Variants in NR5A2 observed in about 807,000 individuals in gnomAD.
NR5A2 encodes nuclear receptor subfamily 5 group A member 2, also known as CYP7A promoter-binding factor.
NR5A2 carries 26 observed loss-of-function variants against 62.7 expected under a neutral mutation model. That is an observed-to-expected ratio of 0.41 (90% CI 0.30 to 0.58). The LOEUF (loss-of-function observed/expected upper bound fraction) is 0.58. Among genes scored for constraint, NR5A2 ranks in the 20% least tolerant of loss-of-function variants. NR5A2 has a pLI of 0.22. For missense variants in NR5A2, 541 were observed against 669.1 expected (o/e 0.81, Z 2.11); for synonymous variants, 246 against 241.7 (o/e 1.02, Z -0.16).
At chr1:200,096,288 A>G (rs1665094931) in intron 5 of NR5A2, among the ~76,000 whole-genome samples, 1 of 152,046 alleles carries the variant, frequency 6.6e-6, no homozygotes, top group South Asian at 2.1e-4. Context: ...GGGTTTCACC[A>G]TGTTGGCCAG....
At chr1:200,116,415 C>G (rs1443388616) in intron 6 of NR5A2, among the ~76,000 whole-genome samples, 1 of 152,186 alleles carries the variant, frequency 6.6e-6, no homozygotes, top group African/African-American at 2.4e-5. Flanking sequence ...CTCCTTGGAG[C>G]TTGAAAAGAG....
intron 5 of NR5A2, among the ~76,000 whole-genome samples, chr1:200,073,547 ATTGTT>A (rs1663853149): frequency 6.6e-6 from 1 of 151,898 alleles, no homozygotes; most frequent in African/African-American, 2.4e-5. Context: ...GTTACACTGT[ATTGTT>A]TAGGGAATAA....
At chr1:200,133,015 T>A (rs1314325815) in intron 7 of NR5A2, among the ~76,000 whole-genome samples, 3 of 152,200 alleles carry the variant, frequency 2.0e-5, no homozygotes, top group Non-Finnish European at 4.4e-5. Context: ...TACACAGTCA[T>A]GTAGAGTCAG....
chr1:200,100,837 A>T (rs1045080420), intron 5 of NR5A2, among the ~76,000 whole-genome samples: 3 of 152,222 alleles, frequency 2.0e-5, no homozygotes, highest in African/African-American at 7.2e-5. Context: ...TTTGATTGTT[A>T]TCTCATGTAC....
intron 7 of NR5A2, among the ~76,000 whole-genome samples, chr1:200,167,403 G>A (rs1029727465): frequency 6.6e-6 from 1 of 151,964 alleles, no homozygotes; most frequent in Non-Finnish European, 1.5e-5. Context: ...AAACCCTGTT[G>A]CATCAACCAT....
At chr1:200,070,029 T>C (rs1663666566) in intron 5 of NR5A2, among the ~76,000 whole-genome samples, 1 of 152,162 alleles carries the variant, frequency 6.6e-6, no homozygotes, top group South Asian at 2.1e-4. Context: ...TTAAGTCGTC[T>C]TTATTCACTT....
In NR5A2 at chr1:200,103,125, T is replaced by C. The variant is rs565563735; in HGVS notation, c.1111-8077T>C. On this transcript the variant is annotated intron_variant, in intron 5 of 7. Coordinates refer to ENST00000367362, the MANE Select transcript of NR5A2 (RefSeq NM_205860.3). Reference sequence around the variant, plus strand: ...ATGAGTTCATGCATGTAAAACTCTTTTTTTTTTTTTTTTTTTGAGTTGGAG... The same window carrying C: ...ATGAGTTCATGCATGTAAAACTCTTCTTTTTTTTTTTTTTTTGAGTTGGAG... Among the ~76,000 whole-genome samples the C allele has an allele frequency of 3.2e-4, 46 of 144,542 alleles. 1 individual carries two copies. The highest frequency in any genetic ancestry group is 5.5e-4 in the Non-Finnish European group (36 of 65,510). 94.8% of individuals were successfully genotyped at this position (144,542 alleles called of 152,430 possible).
intron 7 of NR5A2, among the ~76,000 whole-genome samples, chr1:200,148,651 G>GA (rs976507541): frequency 9.2e-5 from 14 of 152,080 alleles, no homozygotes; most frequent in Non-Finnish European, 1.5e-4. Flanking sequence ...AAATTTGAGG[G>GA]AAAAAAACTT....
At chr1:200,098,758 T>TG (rs1379401867) in intron 5 of NR5A2, among the ~76,000 whole-genome samples, 2 of 152,232 alleles carry the variant, frequency 1.3e-5, no homozygotes, top group Non-Finnish European at 2.9e-5. Context: ...TGTAACAGGA[T>TG]GGGGGTGTCC....
At chr1:200,067,932 A>T (rs1315467275) in intron 5 of NR5A2, among the ~76,000 whole-genome samples, 1 of 152,166 alleles carries the variant, frequency 6.6e-6, no homozygotes, top group African/African-American at 2.4e-5. Context: ...AGCTCAGGAA[A>T]CTTTGCACTC....
intron 5 of NR5A2, among the ~76,000 whole-genome samples, chr1:200,106,622 T>A (rs1272787972): frequency 2.0e-5 from 3 of 152,204 alleles, no homozygotes; most frequent in Admixed American, 6.5e-5. Context: ...TAAACTTCTT[T>A]GGTCTTCTTC....
At chr1:200,086,049 G>C (rs1664512151) in intron 5 of NR5A2, among the ~76,000 whole-genome samples, 2 of 152,112 alleles carry the variant, frequency 1.3e-5, no homozygotes, top group Non-Finnish European at 2.9e-5. Context: ...TGGTGAGATG[G>C]GGGGTGGTGT....
chr1:200,130,101 C>T (rs1029005202), intron 7 of NR5A2, among the ~76,000 whole-genome samples: 2 of 152,076 alleles, frequency 1.3e-5, no homozygotes, highest in African/African-American at 4.8e-5. Context: ...TTTTCTGCCA[C>T]CAAATTAGGT....
chr1:200,127,709 A>ATATATAT (rs59916867), intron 7 of NR5A2, among the ~76,000 whole-genome samples: 1 of 23,190 alleles, frequency 4.3e-5, no homozygotes, highest in Non-Finnish European at 7.1e-5. Flanking sequence ...AAAAAAAAAA[A>ATATATAT]ATATATATAT....
intron 7 of NR5A2, among the ~76,000 whole-genome samples, chr1:200,144,906 G>A (rs1175334798): frequency 1.3e-5 from 2 of 152,100 alleles, no homozygotes; most frequent in Non-Finnish European, 2.9e-5. Context: ...CTAAGGATGG[G>A]GCCCAGGAAT....
At chr1:200,151,397 C>T (rs1437955606) in intron 7 of NR5A2, among the ~76,000 whole-genome samples, 1 of 152,156 alleles carries the variant, frequency 6.6e-6, no homozygotes, top group Non-Finnish European at 1.5e-5. Context: ...CTTTCCTTTT[C>T]TATTGATGTA....
At chr1:200,159,729 G>A (rs1270059380) in intron 7 of NR5A2, among the ~76,000 whole-genome samples, 1 of 151,872 alleles carries the variant, frequency 6.6e-6, no homozygotes, top group African/African-American at 2.4e-5. Context: ...TCGGCTCACT[G>A]CAACCTCCAC....
At chr1:200,148,009 C>T in intron 7 of NR5A2, 1 of 308,044 alleles carries the variant, frequency 3.2e-6, no homozygotes, top group South Asian at 5.0e-5. Flanking sequence ...CCGAAAACGC[C>T]CAGTTCGAAG....
intron 5 of NR5A2, among the ~76,000 whole-genome samples, chr1:200,075,899 T>TTCTTTTC (rs1388139424): frequency 6.6e-6 from 1 of 152,138 alleles, no homozygotes; most frequent in Non-Finnish European, 1.5e-5. Context: ...TTCTTTTCTT[T>TTCTTTTC]TTTTTTTGTT....
Sources: allele counts gnomAD v4.1 joint callset (sites outside exome capture counted in the v4.1 genomes callset), GRCh38; gene constraint gnomAD v4.1.1; transcripts MANE v1.5; gene names NCBI Gene and HGNC (gene_info 2026-07-23, HGNC 2026-07-21).